Variants in SKAP2 observed in about 807,000 individuals in gnomAD.
The protein encoded by SKAP2 is src kinase associated phosphoprotein 2.
SKAP2 carries 28 observed loss-of-function variants against 54.9 expected under a neutral mutation model. The observed-to-expected ratio is 0.51, with a 90% CI of 0.38 to 0.70. SKAP2 has a LOEUF of 0.70. Ranked by LOEUF, SKAP2 falls within the 30% of genes least tolerant of loss-of-function variation. SKAP2 has a pLI of 0.00. For missense variants in SKAP2, 356 were observed against 424.1 expected, an observed-to-expected ratio of 0.84 and a Z score of 1.41; for synonymous variants, 137 against 134.3, an observed-to-expected ratio of 1.02 and a Z score of -0.14.
At chr7:26,674,761 T>C (rs1786317365) in intron 11 of SKAP2, among the ~76,000 whole-genome samples, 1 of 152,204 alleles carries the variant, frequency 6.6e-6, no homozygotes, top group African/African-American at 2.4e-5. Context: ...CCTCCTTGCA[T>C]TGTATACTCC....
chr7:26,682,043 C>A (rs1442654272), intron 11 of SKAP2, among the ~76,000 whole-genome samples: 1 of 152,084 alleles, frequency 6.6e-6, no homozygotes, highest in African/African-American at 2.4e-5. Flanking sequence ...CATCCCATCA[C>A]CACAAAATCT....
chr7:26,840,082 T>G (rs1784789992), intron 4 of SKAP2, among the ~76,000 whole-genome samples: 1 of 152,084 alleles, frequency 6.6e-6, no homozygotes, highest in Admixed American at 6.6e-5. Flanking sequence ...AAAAAAAAAT[T>G]TCTTCACACA....
chr7:26,761,070 G>A (rs980245854), intron 4 of SKAP2, among the ~76,000 whole-genome samples: 3 of 152,246 alleles, frequency 2.0e-5, no homozygotes, highest in Admixed American at 6.5e-5. Flanking sequence ...TGAAATGCGC[G>A]AAAGTGGAAC....
At chr7:26,749,745 CAATAATAATAATAATAATAATAAT>C (rs68049436) in intron 4 of SKAP2, among the ~76,000 whole-genome samples, 1 of 144,756 alleles carries the variant, frequency 6.9e-6, no homozygotes, top group Non-Finnish European at 1.5e-5. Flanking sequence ...CAAATAATAA[CAATAATAATAATAATAATAATAAT>C]AATAATAATA....
At position 26,836,750 on chromosome 7, in the gene SKAP2, T is replaced by G. The variant is rs574603401; in HGVS notation, c.307+7280A>C. 2.8e-4 allele frequency among the ~76,000 whole-genome samples: 43 copies of G among 152,338 alleles called. 1 individual carries two copies. In the East Asian group the frequency reaches 7.7e-3, roughly 27 times the overall value. ...TTACACTGTTGGTGGGAGTGTAAAT[T>G]AGTTCAACCATTGTGGAAGACAGTG... On this transcript the variant is annotated intron_variant, in intron 4 of 12. Coordinates refer to ENST00000345317, the MANE Select transcript of SKAP2 (RefSeq NM_003930.5).
At chr7:26,751,253 G>A (rs994946627) in intron 4 of SKAP2, among the ~76,000 whole-genome samples, 4 of 151,940 alleles carry the variant, frequency 2.6e-5, no homozygotes, top group African/African-American at 9.7e-5. Flanking sequence ...TATTATTGAG[G>A]GGTGGTTAAT....
At chr7:26,763,895 T>A (rs886480301) in intron 4 of SKAP2, among the ~76,000 whole-genome samples, 2 of 152,154 alleles carry the variant, frequency 1.3e-5, no homozygotes, top group African/African-American at 4.8e-5. Context: ...CTTGTGTATC[T>A]AAACATGGAA....
intron 4 of SKAP2, among the ~76,000 whole-genome samples, chr7:26,751,757 T>C (rs1240244344): frequency 6.6e-6 from 1 of 152,186 alleles, no homozygotes; most frequent in Non-Finnish European, 1.5e-5. Context: ...TATCTATTAT[T>C]ATTGTTAATT....
chr7:26,756,478 T>A (rs1415643395), intron 4 of SKAP2, among the ~76,000 whole-genome samples: 1 of 152,184 alleles, frequency 6.6e-6, no homozygotes, highest in African/African-American at 2.4e-5. Context: ...GTTTCCAGCT[T>A]CATCCATGTC....
At chr7:26,664,797 G>A (rs1279225842), downstream of SKAP2, among the ~76,000 whole-genome samples, 1 of 151,508 alleles carries the variant, frequency 6.6e-6, no homozygotes, top group Non-Finnish European at 1.5e-5. Flanking sequence ...ATTAAGAAAG[G>A]TACTTAAGAG....
At chr7:26,721,010 C>T (rs2127954152) in intron 9 of SKAP2, among the ~76,000 whole-genome samples, 1 of 152,268 alleles carries the variant, frequency 6.6e-6, no homozygotes. Context: ...CTTCACCATT[C>T]AGTACCTAGT....
chr7:26,767,102 A>AT (rs1318405989), intron 4 of SKAP2, among the ~76,000 whole-genome samples: 2 of 151,800 alleles, frequency 1.3e-5, no homozygotes, highest in African/African-American at 4.8e-5. Context: ...TGGTCCTGGG[A>AT]TTTTTTTGGC....
At chr7:26,783,345 C>G (rs193140636) in intron 4 of SKAP2, among the ~76,000 whole-genome samples, 107 of 152,216 alleles carry the variant, frequency 7.0e-4, no homozygotes, top group African/African-American at 2.6e-3. Context: ...CATACCGTTA[C>G]TAGGTTGATG....
chr7:26,668,303 C>T lies in SKAP2; in HGVS notation c.*1363G>A, dbSNP rs996195925. On this transcript the variant is annotated 3_prime_UTR_variant, in exon 13 of 13. Coordinates refer to ENST00000345317, the MANE Select transcript of SKAP2 (RefSeq NM_003930.5). ...GTAGTCCAAATAATTATCTAACCAG[C>T]AATGCATTTTGACATATGTTAAGGC... The T allele has an allele frequency of 2.0e-5, 3 of 152,138 alleles. No individual in the cohort carries two copies. Among genetic ancestry groups the T allele is most frequent in the African/African-American group, 7.2e-5 (3 of 41,422 alleles). The allele number at this position is 152,138 out of a possible 1,614,324, so 9.4% of individuals were successfully genotyped here. A position where few individuals can be genotyped will look rare whatever the true frequency, so the allele number is the denominator to read the frequency against.
intron 4 of SKAP2, among the ~76,000 whole-genome samples, chr7:26,802,406 G>A (rs1163145639): frequency 6.6e-6 from 1 of 151,828 alleles, no homozygotes; most frequent in Non-Finnish European, 1.5e-5. Flanking sequence ...CAAGTAGCTA[G>A]GGCTACAGAC....
intron 3 of SKAP2, among the ~76,000 whole-genome samples, chr7:26,846,096 G>A (rs887884721): frequency 1.3e-5 from 2 of 152,072 alleles, no homozygotes; most frequent in African/African-American, 4.8e-5. Flanking sequence ...AGTTGTTAGA[G>A]TATCTTTACA....
At chr7:26,753,198 A>T (rs1383255482) in intron 4 of SKAP2, among the ~76,000 whole-genome samples, 1 of 152,216 alleles carries the variant, frequency 6.6e-6, no homozygotes, top group African/African-American at 2.4e-5. Context: ...AGACAGACAT[A>T]GACATTCATG....
intron 6 of SKAP2, among the ~76,000 whole-genome samples, chr7:26,732,493 A>G (rs1189490616): frequency 1.3e-5 from 2 of 152,208 alleles, no homozygotes; most frequent in African/African-American, 4.8e-5. Flanking sequence ...TGCTTATACC[A>G]AGAACACTAA....
intron 4 of SKAP2, among the ~76,000 whole-genome samples, chr7:26,761,836 G>A (rs1373609574): frequency 6.6e-6 from 1 of 152,224 alleles, no homozygotes; most frequent in Non-Finnish European, 1.5e-5. Flanking sequence ...GGAGGCGGAG[G>A]TTGCAGTGAG....
Sources: allele counts gnomAD v4.1 joint callset (sites outside exome capture counted in the v4.1 genomes callset), GRCh38; gene constraint gnomAD v4.1.1; transcripts MANE v1.5; gene names NCBI Gene and HGNC (gene_info 2026-07-23, HGNC 2026-07-21).